Variants in UBE2G1 observed in about 807,000 individuals in gnomAD.
UBE2G1 encodes ubiquitin conjugating enzyme E2 G1.
Under a neutral mutation model 22.7 loss-of-function variants are expected in UBE2G1, and 5 were observed. The ratio of observed to expected loss-of-function variants is 0.22; its 90% CI spans 0.12 to 0.46. The LOEUF (loss-of-function observed/expected upper bound fraction) is 0.46. UBE2G1 is among the 20% of genes least tolerant of loss of function. The probability of loss-of-function intolerance (pLI) is 0.99; values close to 1 mark genes in which losing one functional copy is unlikely to be tolerated. For synonymous variants in UBE2G1, 74 were observed against 67.5 expected (o/e 1.10, Z -0.47); for missense variants, 88 against 203.9 (o/e 0.43, Z 3.46).
Position 4,313,451 on chromosome 17 carries a change from C to T in UBE2G1, c.47-6328G>A, listed in dbSNP as rs558428729. The stretch of plus-strand genomic sequence containing the variant: ...TAAGGTATTAGGAGTTTTGAGAATG[C>T]CAAAGATGAAGATAACATCTTTTCT... On this transcript the variant is annotated intron_variant, in intron 1 of 5. Transcript: ENST00000396981. 3.4e-4 allele frequency among the ~76,000 whole-genome samples: 52 copies of T among 152,144 alleles called. 1 individual carries two copies. Among genetic ancestry groups the T allele is most frequent in the African/African-American group, 1.2e-3 (49 of 41,508 alleles).
At chr17:4,278,894 T>C (rs540520155) in intron 5 of UBE2G1, among the ~76,000 whole-genome samples, 1 of 152,320 alleles carries the variant, frequency 6.6e-6, no homozygotes, top group East Asian at 1.9e-4. Flanking sequence ...GACTTTAGCT[T>C]TACTTCGGAC....
chr17:4,351,985 G>C (rs1396991902), intron 1 of UBE2G1, among the ~76,000 whole-genome samples: 1 of 152,154 alleles, frequency 6.6e-6, no homozygotes, highest in Non-Finnish European at 1.5e-5. Context: ...CGGTGGTCTT[G>C]GCCAGGTGCA....
At chr17:4,365,984 C>G (rs547396766) in intron 1 of UBE2G1, among the ~76,000 whole-genome samples, 33 of 152,020 alleles carry the variant, frequency 2.2e-4, no homozygotes, top group Non-Finnish European at 4.7e-4. Flanking sequence ...GCCCCTCCCC[C>G]GCAACGTCCT....
intron 1 of UBE2G1, among the ~76,000 whole-genome samples, chr17:4,319,902 T>C (rs763062386): frequency 6.6e-6 from 1 of 152,094 alleles, no homozygotes; most frequent in African/African-American, 2.4e-5. Flanking sequence ...AAGGGACCAG[T>C]GTAGTTACCA....
At chr17:4,317,327 G>A (rs1010986504) in intron 1 of UBE2G1, among the ~76,000 whole-genome samples, 2 of 152,164 alleles carry the variant, frequency 1.3e-5, no homozygotes, top group African/African-American at 4.8e-5. Flanking sequence ...TACAGCCTAG[G>A]CGACAAGAGC....
chr17:4,300,991 T>C (rs1969171685), intron 2 of UBE2G1, among the ~76,000 whole-genome samples: 1 of 152,062 alleles, frequency 6.6e-6, no homozygotes, highest in African/African-American at 2.4e-5. Context: ...TTTGAAAGTG[T>C]TTAAAAACCC....
intron 3 of UBE2G1, among the ~76,000 whole-genome samples, chr17:4,293,241 C>G (rs1432996671): frequency 6.6e-6 from 1 of 152,156 alleles, no homozygotes; most frequent in Non-Finnish European, 1.5e-5. Flanking sequence ...TACACTATGT[C>G]ACCTTTTACG....
chr17:4,331,803 ATCT>A (rs1366548579), intron 1 of UBE2G1: 2 of 152,252 alleles, frequency 1.3e-5, no homozygotes, highest in Admixed American at 6.5e-5. Context: ...AGGAAGGCTA[ATCT>A]TCTGGGCAGA....
At chr17:4,316,333 T>C (rs561618999) in intron 1 of UBE2G1, among the ~76,000 whole-genome samples, 46 of 151,808 alleles carry the variant, frequency 3.0e-4, no homozygotes, top group East Asian at 2.7e-3. Context: ...AGATCATAGA[T>C]AGACAGACCC....
intron 1 of UBE2G1, among the ~76,000 whole-genome samples, chr17:4,315,696 C>G (rs1156801190): frequency 6.7e-6 from 1 of 149,412 alleles, no homozygotes; most frequent in Non-Finnish European, 1.5e-5. Context: ...GCCGAGATCG[C>G]GCCACTGCAC....
Position 4,274,199 on chromosome 17 carries a change from C to CTT in UBE2G1, c.*38-1685_*38-1684dup, listed in dbSNP as rs11426758. ...GTTTCATCCTGTTAGCCAGGATGGT[C>CTT]TTTTTTTTTTTTTTTTGAGACAGAG... On this transcript the variant is annotated intron_variant, in intron 5 of 5. Transcript: ENST00000396981. Among the ~76,000 whole-genome samples, 369 of 101,196 alleles carry CTT rather than the reference C, an allele frequency of 3.6e-3. 15 individuals carry two copies. The highest frequency in any genetic ancestry group is 0.024 in the East Asian group (83 of 3,470). 66.4% of individuals were successfully genotyped at this position (101,196 alleles called of 152,430 possible). A position where few individuals can be genotyped will look rare whatever the true frequency, so the allele number is the denominator to read the frequency against.
chr17:4,319,713 C>G (rs1969415435), intron 1 of UBE2G1, among the ~76,000 whole-genome samples: 1 of 150,262 alleles, frequency 6.7e-6, no homozygotes, highest in Admixed American at 6.6e-5. Flanking sequence ...CCAGCCTAGG[C>G]ACCTGTGTCG....
chr17:4,361,300 G>A (rs193156414), intron 1 of UBE2G1, among the ~76,000 whole-genome samples: 215 of 151,934 alleles, frequency 1.4e-3, no homozygotes, highest in Non-Finnish European at 1.8e-3. Flanking sequence ...GCCAAGGTGG[G>A]CAGATCACTT....
chr17:4,322,470 T>G (rs558196827), intron 1 of UBE2G1, among the ~76,000 whole-genome samples: 2 of 152,358 alleles, frequency 1.3e-5, no homozygotes, highest in South Asian at 2.1e-4. Context: ...TGTATGTGCT[T>G]CTTCTCCTTA....
chr17:4,305,448 T>C (rs1041760889), intron 2 of UBE2G1, among the ~76,000 whole-genome samples: 1 of 152,210 alleles, frequency 6.6e-6, no homozygotes, highest in African/African-American at 2.4e-5. Flanking sequence ...CAGCAGCATA[T>C]ACACACTCCA....
intron 1 of UBE2G1, among the ~76,000 whole-genome samples, chr17:4,310,927 T>C (rs550187653): frequency 1.3e-5 from 2 of 152,274 alleles, no homozygotes; most frequent in Admixed American, 6.5e-5. Context: ...AAAAATGACA[T>C]GAGCTGGGCA....
intron 1 of UBE2G1, among the ~76,000 whole-genome samples, chr17:4,354,452 A>C (rs1336050623): frequency 6.6e-6 from 1 of 152,118 alleles, no homozygotes; most frequent in African/African-American, 2.4e-5. Flanking sequence ...CAAATTATGC[A>C]TGTGTGCTTT....
At chr17:4,304,548 C>CA (rs1428792191) in intron 2 of UBE2G1, among the ~76,000 whole-genome samples, 2 of 119,188 alleles carry the variant, frequency 1.7e-5, no homozygotes, top group African/African-American at 5.0e-5. Flanking sequence ...ATAGGAGTCT[C>CA]AAAGTAATCC....
chr17:4,365,076 A>G (rs1363760077), intron 1 of UBE2G1, among the ~76,000 whole-genome samples: 3 of 152,236 alleles, frequency 2.0e-5, no homozygotes, highest in African/African-American at 7.2e-5. Context: ...AAGAAGCCAT[A>G]AAGGTGATTT....
Sources: gnomAD v4.1 joint callset for allele counts (sites outside exome capture counted in the v4.1 genomes callset) on GRCh38, gnomAD v4.1.1 for gene constraint, MANE v1.5 for transcripts, NCBI Gene and HGNC (gene_info 2026-07-23, HGNC 2026-07-21) for gene names.